Variants in DAPK1 observed in about 807,000 individuals in gnomAD.
DAPK1 encodes the protein death-associated protein kinase 1.
A neutral mutation model predicts 144.9 loss-of-function variants in DAPK1; 56 were observed. That is an observed-to-expected ratio of 0.39 (90% CI 0.31 to 0.48). DAPK1 has a LOEUF of 0.48. DAPK1 is among the 20% of genes least tolerant of loss of function. DAPK1 has a pLI of 0.95. For missense variants in DAPK1, 1,454 were observed against 1,875.4 expected, an observed-to-expected ratio of 0.78 and a Z score of 4.15; for synonymous variants, 690 against 749.0, an observed-to-expected ratio of 0.92 and a Z score of 1.29.
chr9:87,650,040 G>C lies in DAPK1; in HGVS notation c.1548G>C (p.Leu516=), dbSNP rs1400795940. The change falls in exon 16 of 26, where the codon CTG becomes CTC. Residue 516 remains leucine (L), a synonymous_variant. Coordinates refer to ENST00000408954, the MANE Select transcript of DAPK1 (RefSeq NM_004938.4). ...ACCGAGAAGGAGAGACGCCCCTCCT[G>C]ACAGCCTCTGCCAGGGGCTACCACG... ...IKNREGETPL[L]TASARGYHDI... 3 of 1,614,084 alleles carry C rather than the reference G, an allele frequency of 1.9e-6. No homozygotes were observed. The highest frequency in any genetic ancestry group is 2.2e-5 in the East Asian group (1 of 44,844).
intron 2 of DAPK1, among the ~76,000 whole-genome samples, chr9:87,569,752 T>C (rs1827265679): frequency 6.6e-6 from 1 of 152,200 alleles, no homozygotes; most frequent in Non-Finnish European, 1.5e-5. Flanking sequence ...CCATTAATCT[T>C]GTGTTAAGTT....
chr9:87,617,285 A>T (rs989933020), intron 3 of DAPK1, among the ~76,000 whole-genome samples: 1 of 151,922 alleles, frequency 6.6e-6, no homozygotes, highest in African/African-American at 2.4e-5. Context: ...TGGAATGGGG[A>T]GGTAGAGACA....
intron 3 of DAPK1, among the ~76,000 whole-genome samples, chr9:87,611,389 G>A (rs929185250): frequency 2.6e-5 from 4 of 152,076 alleles, no homozygotes; most frequent in South Asian, 4.1e-4. Flanking sequence ...GCACTCAAGC[G>A]CTTCTCCTGC....
intron 2 of DAPK1, among the ~76,000 whole-genome samples, chr9:87,581,658 A>G (rs1206658627): frequency 6.6e-6 from 1 of 152,142 alleles, no homozygotes; most frequent in Non-Finnish European, 1.5e-5. Flanking sequence ...TGGCCTGTGG[A>G]AGATAAGCTG....
At chr9:87,591,175 C>G (rs1828119618) in intron 2 of DAPK1, among the ~76,000 whole-genome samples, 1 of 152,104 alleles carries the variant, frequency 6.6e-6, no homozygotes, top group African/African-American at 2.4e-5. Context: ...TGTCAATGGC[C>G]CATGTGAGGT....
chr9:87,694,807 G>A (rs1393730598), intron 21 of DAPK1, among the ~76,000 whole-genome samples: 1 of 152,190 alleles, frequency 6.6e-6, no homozygotes, highest in Non-Finnish European at 1.5e-5. Flanking sequence ...GGGCTACAGA[G>A]CAGGATGCAG....
intron 3 of DAPK1, among the ~76,000 whole-genome samples, chr9:87,627,024 T>A (rs1457172080): frequency 6.6e-6 from 1 of 152,076 alleles, no homozygotes; most frequent in African/African-American, 2.4e-5. Context: ...GATGTTTAAA[T>A]TTTTCTAAAG....
intron 18 of DAPK1, among the ~76,000 whole-genome samples, chr9:87,659,659 G>C (rs570459504): frequency 1.3e-5 from 2 of 152,100 alleles, no homozygotes; most frequent in Non-Finnish European, 2.9e-5. Context: ...AGTGGTCCCC[G>C]CCTGGCTCCT....
intron 2 of DAPK1, among the ~76,000 whole-genome samples, chr9:87,560,612 C>T (rs1826876631): frequency 6.6e-6 from 1 of 150,914 alleles, no homozygotes; most frequent in Admixed American, 6.6e-5. Flanking sequence ...CTGCTTATTT[C>T]ACTTAGCATG....
intron 2 of DAPK1, among the ~76,000 whole-genome samples, chr9:87,509,174 A>G (rs1054845816): frequency 2.6e-5 from 4 of 152,252 alleles, no homozygotes; most frequent in African/African-American, 4.8e-5. Context: ...AGGTATACGT[A>G]TCCTGTAGAG....
At chr9:87,576,203 C>T (rs897486784) in intron 2 of DAPK1, among the ~76,000 whole-genome samples, 3 of 152,238 alleles carry the variant, frequency 2.0e-5, no homozygotes, top group Non-Finnish European at 4.4e-5. Flanking sequence ...CACACGTACA[C>T]ACACACGGGT....
chr9:87,536,678 C>T (rs1333192041), intron 2 of DAPK1, among the ~76,000 whole-genome samples: 1 of 152,186 alleles, frequency 6.6e-6, no homozygotes, highest in Non-Finnish European at 1.5e-5. Context: ...CCATGTCAGA[C>T]TCAAATTTTA....
At chr9:87,519,623 T>A (rs1825218137) in intron 2 of DAPK1, among the ~76,000 whole-genome samples, 1 of 152,184 alleles carries the variant, frequency 6.6e-6, no homozygotes, top group Non-Finnish European at 1.5e-5. Context: ...AGTGTCCTTC[T>A]GCCTTTTTCT....
chr9:87,525,570 CA>C, intron 2 of DAPK1: 2 of 877,002 alleles, frequency 2.3e-6, no homozygotes, highest in South Asian at 1.5e-5. Context: ...AAAACAACAA[CA>C]AAAAATGCGT....
At chr9:87,677,788 G>A (rs1431433810) in intron 19 of DAPK1, among the ~76,000 whole-genome samples, 8 of 152,308 alleles carry the variant, frequency 5.3e-5, no homozygotes, top group Non-Finnish European at 4.4e-5. Flanking sequence ...GGCATGGTGT[G>A]GGTATAGCCT....
intron 3 of DAPK1, among the ~76,000 whole-genome samples, chr9:87,619,938 T>C (rs1587776460): frequency 6.6e-6 from 1 of 152,338 alleles, no homozygotes; most frequent in East Asian, 1.9e-4. Flanking sequence ...CAGACAATCC[T>C]AAGTCTCCTT....
chr9:87,632,632 G>T, intron 3 of DAPK1: 1 of 982,848 alleles, frequency 1.0e-6, no homozygotes, highest in Non-Finnish European at 1.2e-6. Context: ...CAGTATATAT[G>T]TAGGGATGAA....
chr9:87,673,301 C>A lies in DAPK1; in HGVS notation c.2001+4627C>A, dbSNP rs549897961. The stretch of plus-strand genomic sequence containing the variant: ...TATCTGGGACAGCTGAGGATGGTGG[C>A]CCTACATTGCCTGCCATTTTATTTG... On this transcript the variant is annotated intron_variant, in intron 19 of 25. Coordinates refer to ENST00000408954, the MANE Select transcript of DAPK1 (RefSeq NM_004938.4). 2.0e-5 allele frequency among the ~76,000 whole-genome samples: 3 copies of A among 152,286 alleles called. No homozygotes were observed. In the South Asian group the frequency reaches 6.2e-4, roughly 32 times the overall value.
rs187865825 is a variant in DAPK1 at position 87,529,160 on chromosome 9, C to T, written c.62+30021C>T. ...AAAACCCCAAGTCAAAATGTTAAAC[C>T]GCGTACTTGATCTCTCAAGTCGCCT... On this transcript the variant is annotated intron_variant, in intron 2 of 25. Transcript: ENST00000408954. 4.9e-4 allele frequency among the ~76,000 whole-genome samples: 75 copies of T among 152,244 alleles called. 1 individual carries two copies. The highest frequency in any genetic ancestry group is 3.5e-3 in the South Asian group (17 of 4,822).
Sources: gnomAD v4.1 joint callset for allele counts (sites outside exome capture counted in the v4.1 genomes callset) on GRCh38, gnomAD v4.1.1 for gene constraint, MANE v1.5 for transcripts, NCBI Gene and HGNC (gene_info 2026-07-23, HGNC 2026-07-21) for gene names.